Variants in KIF26B observed in about 807,000 individuals in gnomAD.
The protein encoded by KIF26B is kinesin-like protein KIF26B.
KIF26B carries 63 observed loss-of-function variants against 151.2 expected under a neutral mutation model. The ratio of observed to expected loss-of-function variants is 0.42; its 90% CI spans 0.34 to 0.51. The LOEUF (loss-of-function observed/expected upper bound fraction) is 0.51. Among genes scored for constraint, KIF26B ranks in the 20% least tolerant of loss-of-function variants. The pLI is 0.07. For synonymous variants in KIF26B, 1,357 were observed against 1,262.1 expected, an observed-to-expected ratio of 1.08 and a Z score of -1.59; for missense variants, 2,813 against 2,913.6, an observed-to-expected ratio of 0.97 and a Z score of 0.79.
In KIF26B at chr1:245,318,660, A is replaced by G. The variant is rs922303825; in HGVS notation, c.466-48174A>G. On this transcript the variant is annotated intron_variant, in intron 2 of 14. Transcript: ENST00000407071. This position sits in a 1 kb window ranked among gnomAD's most constrained non-coding sequence, Gnocchi z 4.0. ...AAGGATGAGTTCGGGAGACTCTGGC[A>G]TATGCATCAGAGTTCCAGAGTGAAA... Among the ~76,000 whole-genome samples, 8 of 152,152 alleles carry G rather than the reference A, an allele frequency of 5.3e-5. No individual in the cohort carries two copies. The highest frequency in any genetic ancestry group is 1.0e-4 in the Non-Finnish European group (7 of 68,050).
chr1:245,468,383 A>G (rs1405913118), intron 4 of KIF26B, among the ~76,000 whole-genome samples: 1 of 152,112 alleles, frequency 6.6e-6, no homozygotes, highest in Non-Finnish European at 1.5e-5. Flanking sequence ...CAGACACCTC[A>G]TTGCCTCTGA....
In KIF26B at chr1:245,698,252, G is replaced by C. The variant is rs539702407; in HGVS notation, c.5971G>C (p.Val1991Leu). The change falls in exon 13 of 15, where the codon GTC (valine) becomes CTC (leucine). Residue 1991 changes from valine (V) to leucine (L), a missense_variant. This residue lies in a region of KIF26B where 2,060 missense variants were observed against 2,088.6 expected (regional missense o/e 0.99). Coordinates refer to ENST00000407071, the MANE Select transcript of KIF26B (RefSeq NM_018012.4). The surrounding 1 kb of genome is among the most constrained non-coding windows in gnomAD (Gnocchi z 4.0). ...RGLGEPFEIK[V>L]YEIDDVERLQ... ...CCTTGGGGAACCCTTTGAGATTAAAGTCTATGAAATCGATGACGTGGAGCG... is the reference window on the plus strand; with the variant it reads ...CCTTGGGGAACCCTTTGAGATTAAACTCTATGAAATCGATGACGTGGAGCG... 6 of 1,613,750 alleles carry C rather than the reference G, an allele frequency of 3.7e-6. No individual in the cohort carries two copies. Among genetic ancestry groups the C allele is most frequent in the Non-Finnish European group, 5.1e-6 (6 of 1,179,810 alleles).
chr1:245,698,326 C>T lies in KIF26B; in HGVS notation c.6027+18C>T. ...CCAGCAAGGTGAGGCAGCCTCCTTC[C>T]CACCCCCTGCCTACGTGGTGGCAGC... On this transcript the variant is annotated intron_variant, in intron 13 of 14. Coordinates refer to ENST00000407071, the MANE Select transcript of KIF26B (RefSeq NM_018012.4). This position sits in a 1 kb window ranked among gnomAD's most constrained non-coding sequence, Gnocchi z 4.0. 6.2e-7 allele frequency: 1 copy of T among 1,605,832 alleles called. No homozygotes were observed. Among genetic ancestry groups the T allele is most frequent in the Non-Finnish European group, 8.5e-7 (1 of 1,176,258 alleles).
intron 10 of KIF26B, among the ~76,000 whole-genome samples, chr1:245,669,861 C>A (rs2044261896): frequency 6.6e-6 from 1 of 152,026 alleles, no homozygotes; most frequent in Non-Finnish European, 1.5e-5. Context: ...GAGCTGGAGG[C>A]CATTATGCTA....
chr1:245,533,635 G>A (rs945563253), intron 4 of KIF26B, among the ~76,000 whole-genome samples: 1 of 152,080 alleles, frequency 6.6e-6, no homozygotes, highest in Non-Finnish European at 1.5e-5. Context: ...TTAAAAGATT[G>A]CTAGGTCAAT....
At chr1:245,322,529 A>G (rs942375795) in intron 2 of KIF26B, among the ~76,000 whole-genome samples, 2 of 152,204 alleles carry the variant, frequency 1.3e-5, no homozygotes, top group African/African-American at 2.4e-5. Context: ...GAAGAAACGA[A>G]TACTAACATT....
At position 245,688,453 on chromosome 1, in the gene KIF26B, C is replaced by T. The variant is rs1161967338; in HGVS notation, c.5470C>T (p.Arg1824Trp). 5 of 1,340,512 alleles carry T rather than the reference C, an allele frequency of 3.7e-6. No homozygotes were observed. Among genetic ancestry groups the T allele is most frequent in the Middle Eastern group, 2.6e-4 (1 of 3,810 alleles). The allele number at this position is 1,340,512 out of a possible 1,614,324, so 83.0% of individuals were successfully genotyped here. A position where few individuals can be genotyped will look rare whatever the true frequency, so the allele number is the denominator to read the frequency against. ...CGCGGGCGCCCGGGGCTTGCAGCTG[C>T]GGGCCGGGCCCGAGGCGGAGGCGCG... ...GGAGARGLQL[R>W]AGPEAEARGG... The change falls in exon 12 of 15, where the codon CGG becomes TGG. Residue 1824 changes from arginine to tryptophan, a missense_variant. Physicochemically the swap from Arg to Trp is moderately radical, Grantham distance 101. Coordinates refer to ENST00000407071, the MANE Select transcript of KIF26B (RefSeq NM_018012.4).
At chr1:245,581,551 T>A (rs896818511) in intron 5 of KIF26B, among the ~76,000 whole-genome samples, 3 of 152,182 alleles carry the variant, frequency 2.0e-5, no homozygotes, top group African/African-American at 7.2e-5. Context: ...AATGCTTCTG[T>A]TTGTAAGATG....
intron 3 of KIF26B, among the ~76,000 whole-genome samples, chr1:245,381,436 C>G (rs142432004): frequency 1.5e-4 from 23 of 152,324 alleles, no homozygotes; most frequent in East Asian, 3.9e-4. Flanking sequence ...GCTTTGAACG[C>G]AGCCCAACAC....
Position 245,688,309 on chromosome 1 carries a change from G to A in KIF26B, c.5326G>A (p.Gly1776Ser), listed in dbSNP as rs762451087. The stretch of plus-strand genomic sequence containing the variant: ...GGGCCAGGGCTCCAGCTCGCCCCCC[G>A]GTGGGAAGCACACGCCCTGGTCCAC... ...AVGQGSSSPP[G>S]GKHTPWSTQS... is the part of the protein sequence containing the mutation. The change falls in exon 12 of 15, where the codon GGT becomes AGT. Residue 1776 changes from glycine (G) to serine (S), a missense_variant. Coordinates refer to ENST00000407071, the MANE Select transcript of KIF26B (RefSeq NM_018012.4). 1.6e-5 allele frequency: 25 copies of A among 1,595,284 alleles called. No individual in the cohort carries two copies. The highest frequency in any genetic ancestry group is 2.0e-5 in the Non-Finnish European group (23 of 1,178,042).
chr1:245,568,782 G>T (rs1356600925), intron 5 of KIF26B, among the ~76,000 whole-genome samples: 8 of 152,170 alleles, frequency 5.3e-5, no homozygotes, highest in Admixed American at 4.6e-4. Flanking sequence ...AAGGGTCAAG[G>T]ATATGGGAAA....
chr1:245,158,761 A>C (rs1330771105), intron 2 of KIF26B, among the ~76,000 whole-genome samples: 2 of 152,218 alleles, frequency 1.3e-5, no homozygotes, highest in Non-Finnish European at 2.9e-5. Context: ...GATGCTTTGC[A>C]TCAGCTCATT....
Position 245,646,209 on chromosome 1 carries a change from G to T in KIF26B, c.2187G>T (p.Leu729=), listed in dbSNP as rs2043944494. 1 of 1,614,006 alleles carries T rather than the reference G, an allele frequency of 6.2e-7. No homozygotes were observed. The highest frequency in any genetic ancestry group is 8.5e-7 in the Non-Finnish European group (1 of 1,179,890). Reference sequence around the variant, plus strand: ...AAAATCGAGAAGGAGGCTCAGGGCTGTGTCTCTCGCTGTCTGCTCTGGGCA... The same window carrying T: ...AAAATCGAGAAGGAGGCTCAGGGCTTTGTCTCTCGCTGTCTGCTCTGGGCA... ...LSKNREGGSG[L]CLSLSALGNV... The change falls in exon 10 of 15, where the codon CTG becomes CTT. Residue 729 remains leucine (L), a synonymous_variant. Transcript: ENST00000407071.
At chr1:245,435,091 CCA>C (rs1183179837) in intron 4 of KIF26B, among the ~76,000 whole-genome samples, 7 of 120,664 alleles carry the variant, frequency 5.8e-5, no homozygotes, top group African/African-American at 1.9e-4. Context: ...ATCCATCCAT[CCA>C]TCTCTCCATC....
intron 3 of KIF26B, among the ~76,000 whole-genome samples, chr1:245,376,570 A>G (rs1186843674): frequency 6.6e-6 from 1 of 152,260 alleles, no homozygotes; most frequent in Non-Finnish European, 1.5e-5. Flanking sequence ...CGTAATAGGT[A>G]CAGGGAAGAG....
intron 4 of KIF26B, among the ~76,000 whole-genome samples, chr1:245,522,357 G>GT (rs60396781): frequency 0.52 from 78,739 of 151,974 alleles, 20,526 homozygotes; most frequent in Non-Finnish European, 0.54. Flanking sequence ...ACAGCATTTT[G>GT]TTTTGCATAT....
chr1:245,444,210 A>AGGTCATCTCCCTCACTGTTCACCCTGC (rs1558168245), intron 4 of KIF26B, among the ~76,000 whole-genome samples: 1 of 137,630 alleles, frequency 7.3e-6, no homozygotes, highest in African/African-American at 2.8e-5. Flanking sequence ...CCTAGAGGAG[A>AGGTCATCTCCCTCACTGTTCACCCTGC]GGTCATCTCC....
At chr1:245,172,450 A>T (rs999794844) in intron 2 of KIF26B, among the ~76,000 whole-genome samples, 1 of 152,212 alleles carries the variant, frequency 6.6e-6, no homozygotes, top group Non-Finnish European at 1.5e-5. Context: ...GCTAGAGACC[A>T]GAAACGGCCT....
At chr1:245,274,949 A>C (rs1670913900) in intron 2 of KIF26B, among the ~76,000 whole-genome samples, 2 of 152,186 alleles carry the variant, frequency 1.3e-5, no homozygotes, top group Admixed American at 1.3e-4. Context: ...CAACAGTGTA[A>C]AAGCATTCCT....
Sources: gnomAD v4.1 joint callset for allele counts (sites outside exome capture counted in the v4.1 genomes callset) on GRCh38, gnomAD v4.1.1 for gene constraint, gnomAD v4.1.1 regional missense constraint, Gnocchi (gnomAD v3.1) non-coding constraint, MANE v1.5 for transcripts, NCBI Gene and HGNC (gene_info 2026-07-23, HGNC 2026-07-21) for gene names.